Variants in PAX6 observed in about 807,000 individuals in gnomAD.
The protein encoded by PAX6 is paired box 6, also known as paired box protein Pax-6.
PAX6 carries 7 observed loss-of-function variants against 60.7 expected under a neutral mutation model. That is an observed-to-expected ratio of 0.12 (90% CI 0.07 to 0.22). The LOEUF (loss-of-function observed/expected upper bound fraction) is 0.22, where lower values mean the gene tolerates loss of function less well. Among genes scored for constraint, PAX6 ranks in the 10% least tolerant of loss-of-function variants. The pLI is 1.00. For synonymous variants in PAX6, 208 were observed against 201.2 expected, an observed-to-expected ratio of 1.03 and a Z score of -0.29; for missense variants, 355 against 555.2, an observed-to-expected ratio of 0.64 and a Z score of 3.62.
chr11:31,803,011 C>A, intron 4 of PAX6, 177 bp from the exon 5 acceptor site: 1 of 705,784 alleles, frequency 1.4e-6, no homozygotes, highest in Non-Finnish European at 2.5e-6. Context: ...TCCTCATCCC[C>A]CTGCCAACCT....
chr11:31,813,908 C>G (rs372723834), upstream of PAX6, among the ~76,000 whole-genome samples: 8 of 152,142 alleles, frequency 5.3e-5, no homozygotes, highest in East Asian at 1.9e-4. Context: ...CAAGTACCGG[C>G]TCTGGGGGCG....
intron 8 of PAX6, among the ~76,000 whole-genome samples, chr11:31,796,961 G>A (rs879479795): frequency 7.2e-5 from 11 of 152,144 alleles, no homozygotes; most frequent in Admixed American, 2.6e-4. Context: ...ACTGCCCCAA[G>A]TTTCCGGGGA....
At chr11:31,813,957 G>A (rs539313496), upstream of PAX6, among the ~76,000 whole-genome samples, 13 of 152,220 alleles carry the variant, frequency 8.5e-5, no homozygotes, top group East Asian at 2.5e-3. Flanking sequence ...CTGAGGTGCG[G>A]GCGCGGTTGC....
chr11:31,801,500 G>A, intron 7 of PAX6, 61 bp downstream of exon 7: 1 of 1,612,322 alleles, frequency 6.2e-7, no homozygotes, highest in Non-Finnish European at 8.5e-7. Flanking sequence ...GGTGGGAGGA[G>A]GTAAAGAGGA....
At chr11:31,799,760 G>A (rs760684049) in intron 8 of PAX6, among the ~76,000 whole-genome samples, 17 of 152,148 alleles carry the variant, frequency 1.1e-4, no homozygotes, top group Non-Finnish European at 1.9e-4. Context: ...CGCCGCCCCT[G>A]GCCCCGAGCC....
intron 4 of PAX6, chr11:31,803,694 C>T (rs972350631): frequency 2.0e-5 from 3 of 152,636 alleles, no homozygotes; most frequent in African/African-American, 7.2e-5. Context: ...AGCCACTGCT[C>T]GCTTTATTTC....
intron 12 of PAX6, chr11:31,791,245 CCCT>C: frequency 2.7e-6 from 1 of 364,464 alleles, no homozygotes; most frequent in South Asian, 2.3e-5. Context: ...TATTTGGGAA[CCCT>C]ATGACCCCCA....
At chr11:31,792,063 C>G (rs971091433) in intron 12 of PAX6, 1 of 152,218 alleles carries the variant, frequency 6.6e-6, no homozygotes, top group Admixed American at 6.5e-5. Flanking sequence ...ATTTTGCTAT[C>G]TTCACAGAAA....
chr11:31,817,356 C>G (rs1957427403), intron 1 of PAX6, among the ~76,000 whole-genome samples: 1 of 152,258 alleles, frequency 6.6e-6, no homozygotes, highest in Non-Finnish European at 1.5e-5. Context: ...GCACCTCGCC[C>G]GACCCGCGGC....
At position 31,789,470 on chromosome 11, in the gene PAX6, C is replaced by T; in HGVS notation, c.*464G>A. ...ATTATATGCAAAGGAATGATACAAA[C>T]TTGGAACATCAGTCCATAAACTATG... On this transcript the variant is annotated 3_prime_UTR_variant, in exon 14 of 14. Coordinates refer to ENST00000640368, the MANE Select transcript of PAX6 (RefSeq NM_001368894.2). The T allele has an allele frequency of 4.1e-6, 2 of 489,470 alleles. No homozygotes were observed. The highest frequency in any genetic ancestry group is 7.1e-6 in the Non-Finnish European group (2 of 280,246). The allele number at this position is 489,470 out of a possible 1,614,324, so 30.3% of individuals were successfully genotyped here. A position where few individuals can be genotyped will look rare whatever the true frequency, so the allele number is the denominator to read the frequency against.
chr11:31,815,644 T>G (rs2135444054), upstream of PAX6, among the ~76,000 whole-genome samples: 1 of 151,926 alleles, frequency 6.6e-6, no homozygotes, highest in South Asian at 2.1e-4. Flanking sequence ...CCAACCCCAG[T>G]AAGAGTTAAT....
At chr11:31,790,095 T>TAAAAAAAA in intron 13 of PAX6, 76 bp from the exon 14 acceptor site, 1 of 61,324 alleles carries the variant, frequency 1.6e-5, no homozygotes, top group Non-Finnish European at 2.6e-5. Context: ...TTTATAGGTT[T>TAAAAAAAA]ACAAAAAAAA....
intron 2 of PAX6, chr11:31,807,880 G>T (rs1037718701): frequency 7.9e-5 from 12 of 151,152 alleles, no homozygotes; most frequent in Non-Finnish European, 1.2e-4. Context: ...GGCTGCTCCC[G>T]TACGAACACC....
At chr11:31,801,215 A>G (rs145291781) in intron 7 of PAX6, 2 of 1,289,240 alleles carry the variant, frequency 1.6e-6, no homozygotes, top group East Asian at 3.1e-5. Flanking sequence ...TAGGATGGAA[A>G]TGGATGTGTG....
chr11:31,797,781 C>A (rs113183617), intron 8 of PAX6, among the ~76,000 whole-genome samples: 1 of 152,162 alleles, frequency 6.6e-6, no homozygotes, highest in Non-Finnish European at 1.5e-5. Flanking sequence ...GACTCCCCCA[C>A]CCCCACGATA....
At chr11:31,798,641 C>T (rs889365694) in intron 8 of PAX6, among the ~76,000 whole-genome samples, 1 of 152,164 alleles carries the variant, frequency 6.6e-6, no homozygotes, top group Admixed American at 6.5e-5. Context: ...GTGACAATCA[C>T]CCCCCAAAAA....
Position 31,806,315 on chromosome 11 carries a change from C to T in PAX6, c.10+87G>A, listed in dbSNP as rs1955787663. On this transcript the variant is annotated intron_variant, in intron 4 of 13. Coordinates refer to ENST00000640368, the MANE Select transcript of PAX6 (RefSeq NM_001368894.2). The stretch of plus-strand genomic sequence containing the variant: ...CAGTCGGTCGGCGGCCGGGCCAGCG[C>T]GGGCGTCGCGAGTCCCTGTGTCCTC... The T allele has an allele frequency of 2.7e-6, 4 of 1,484,676 alleles. No individual in the cohort carries two copies. The South Asian group carries it at 3.7e-5, about 14-fold the overall frequency. The allele number at this position is 1,484,676 out of a possible 1,614,324, so 92.0% of individuals were successfully genotyped here.
intron 8 of PAX6, among the ~76,000 whole-genome samples, chr11:31,795,022 C>T (rs1316919062): frequency 6.6e-6 from 1 of 152,202 alleles, no homozygotes; most frequent in African/African-American, 2.4e-5. Flanking sequence ...CACTAAGTGG[C>T]ATTTCTTGAA....
chr11:31,794,637 C>T lies in PAX6; in HGVS notation c.717G>A (p.Leu239=), dbSNP rs766564648. Reference sequence around the variant, plus strand: ...TTTGAAAAACTCTATCACCTTTCTCCAGGGCCTCAATTTGCTCTTGGGTAA... The same window carrying T: ...TTTGAAAAACTCTATCACCTTTCTCTAGGGCCTCAATTTGCTCTTGGGTAA... The part of the protein sequence containing the change: ...TSFTQEQIEA[L]EKEFERTHYP... The change falls in exon 9 of 14, where the codon CTG becomes CTA. Residue 239 remains leucine (L), a synonymous_variant. Transcript: ENST00000640368. 15 of 1,614,086 alleles carry T rather than the reference C, an allele frequency of 9.3e-6. No homozygotes were observed. The South Asian group carries it at 1.1e-4, about 12-fold the overall frequency.
Sources: gnomAD v4.1 joint callset for allele counts (sites outside exome capture counted in the v4.1 genomes callset) on GRCh38, gnomAD v4.1.1 for gene constraint, MANE v1.5 for transcripts, NCBI Gene and HGNC (gene_info 2026-07-23, HGNC 2026-07-21) for gene names.